Variants in LRP1 observed in about 807,000 individuals in gnomAD.
The protein encoded by LRP1 is prolow-density lipoprotein receptor-related protein 1.
LRP1 carries 51 observed loss-of-function variants against 541.5 expected under a neutral mutation model. That is an observed-to-expected ratio of 0.09 (90% CI 0.08 to 0.12). The LOEUF (loss-of-function observed/expected upper bound fraction) is 0.12. LRP1 is among the 10% of genes least tolerant of loss of function. LRP1 has a pLI of 1.00. For missense variants in LRP1, 3,878 were observed against 6,376.2 expected, an observed-to-expected ratio of 0.61 and a Z score of 13.34; for synonymous variants, 2,219 against 2,470.8, an observed-to-expected ratio of 0.90 and a Z score of 3.02.
chr12:57,161,873 T>G (rs1457443321), intron 13 of LRP1, among the ~76,000 whole-genome samples: 2 of 152,174 alleles, frequency 1.3e-5, no homozygotes, highest in African/African-American at 4.8e-5. Context: ...AGAGATCGTG[T>G]CGTTTTCACC....
In LRP1 at chr12:57,201,050, G is replaced by A. The variant is rs373000834; in HGVS notation, c.10242G>A (p.Leu3414=). ...CCTCCACAGACATCCACGTCTGCTTGCCCAGTCAGTTCAAATGCACCAACA... is the reference window on the plus strand; with the variant it reads ...CCTCCACAGACATCCACGTCTGCTTACCCAGTCAGTTCAAATGCACCAACA... The part of the protein sequence containing the change: ...DEANCDIHVC[L]PSQFKCTNTN... Residue 3414 remains leucine, a synonymous_variant, in exon 65 of 89, where the codon TTG becomes TTA. Transcript: ENST00000243077. This position sits in a 1 kb window ranked among gnomAD's most constrained non-coding sequence, Gnocchi z 6.4. 6.2e-7 allele frequency: 1 copy of A among 1,613,930 alleles called. No homozygotes were observed. The highest frequency in any genetic ancestry group is 1.3e-5 in the African/African-American group (1 of 74,874).
intron 13 of LRP1, 123 bp downstream of exon 13, chr12:57,161,238 G>C: frequency 1.2e-6 from 1 of 824,100 alleles, no homozygotes; most frequent in South Asian, 1.6e-5. Flanking sequence ...TGCCTCTATA[G>C]ATGTGTGCAT....
At position 57,205,156 on chromosome 12, in the gene LRP1, C is replaced by T. The variant is rs780901988; in HGVS notation, c.11242C>T (p.Leu3748=). Residue 3748 remains leucine (L), a synonymous_variant, in exon 73 of 89, where the codon CTG becomes TTG. Transcript: ENST00000243077. The surrounding 1 kb of genome is among the most constrained non-coding windows in gnomAD (Gnocchi z 4.6). ...TTHCKDKKEF[L]CRNQRCLSSS... ...CCACTGCAAAGACAAGAAGGAGTTT[C>T]TGTGCCGGAACCAGCGCTGCCTCTC... 6.2e-6 allele frequency: 10 copies of T among 1,614,004 alleles called. No individual in the cohort carries two copies. Among genetic ancestry groups the T allele is most frequent in the Non-Finnish European group, 8.5e-6 (10 of 1,180,008 alleles).
At chr12:57,161,410 T>C (rs1260442578) in intron 13 of LRP1, among the ~76,000 whole-genome samples, 3 of 152,196 alleles carry the variant, frequency 2.0e-5, no homozygotes, top group African/African-American at 7.2e-5. Flanking sequence ...ACACACCATG[T>C]GCGCCTCCTC....
intron 19 of LRP1, among the ~76,000 whole-genome samples, chr12:57,168,765 C>G (rs754306354): frequency 6.6e-6 from 1 of 152,206 alleles, no homozygotes; most frequent in Admixed American, 6.5e-5. Flanking sequence ...AAGCCGGCCA[C>G]GCCTGCACCC....
At position 57,135,520 on chromosome 12, in the gene LRP1, C is replaced by A. The variant is rs960908981; in HGVS notation, c.68-2939C>A. On this transcript the variant is annotated intron_variant, in intron 1 of 88. Transcript: ENST00000243077. The stretch of plus-strand genomic sequence containing the variant: ...TATTTGTTTCTTTCTTCCCTCTCCC[C>A]CTGAAGGAAATCAAAGACAGGCCTC... Among the ~76,000 whole-genome samples, 145 of 152,344 alleles carry A rather than the reference C, an allele frequency of 9.5e-4. 1 individual carries two copies. The highest frequency in any genetic ancestry group is 1.5e-3 in the Non-Finnish European group (99 of 68,038).
Position 57,179,978 on chromosome 12 carries a change from G to A in LRP1, c.5141+22G>A, listed in dbSNP as rs752459699. The A allele has an allele frequency of 1.7e-5, 28 of 1,613,708 alleles. No homozygotes were observed. The highest frequency in any genetic ancestry group is 8.9e-5 in the East Asian group (4 of 44,896). ...GTGGGTCAGTCTAGGGCCCAGGGCCGGGGAGCATGGGGTGTGGGGCTGGGA... is the reference window on the plus strand; with the variant it reads ...GTGGGTCAGTCTAGGGCCCAGGGCCAGGGAGCATGGGGTGTGGGGCTGGGA... On this transcript the variant is annotated intron_variant, in intron 30 of 88. Coordinates refer to ENST00000243077, the MANE Select transcript of LRP1 (RefSeq NM_002332.3). The surrounding 1 kb of genome is among the most constrained non-coding windows in gnomAD (Gnocchi z 6.8).
At position 57,208,778 on chromosome 12, in the gene LRP1, C is replaced by T. The variant is rs765243290; in HGVS notation, c.12106C>T (p.Arg4036Trp). The change falls in exon 78 of 89, where the codon CGG becomes TGG. Residue 4036 changes from arginine to tryptophan, a missense_variant. Arg to Trp is a moderately radical substitution (Grantham distance 101). Around this residue, in one of 13 missense-constraint regions of LRP1, gnomAD observed 871 missense variants for 1,212.4 expected, o/e 0.72. Transcript: ENST00000243077. ...GACGGCAGCGATGGATGGGACGCTT[C>T]GGGAGACACTGGTGCAGGACAACAT... ...IETAAMDGTLRETLVQDNIQW... is the reference protein window; with the variant it reads ...IETAAMDGTLWETLVQDNIQW... 6.2e-7 allele frequency: 1 copy of T among 1,614,038 alleles called. No individual in the cohort carries two copies. Among genetic ancestry groups the T allele is most frequent in the Non-Finnish European group, 8.5e-7 (1 of 1,179,990 alleles).
chr12:57,175,613 G>C lies in LRP1; in HGVS notation c.3701G>C (p.Ser1234Thr). 2 of 1,613,212 alleles carry C rather than the reference G, an allele frequency of 1.2e-6. No individual in the cohort carries two copies. The highest frequency in any genetic ancestry group is 1.7e-6 in the Non-Finnish European group (2 of 1,179,352). The change falls in exon 23 of 89, where the codon AGC (serine) becomes ACC (threonine). Residue 1234 changes from serine to threonine, a missense_variant. Around this residue, in one of 13 missense-constraint regions of LRP1, gnomAD observed 320 missense variants for 547.9 expected, o/e 0.58. Coordinates refer to ENST00000243077, the MANE Select transcript of LRP1 (RefSeq NM_002332.3). ...TACTGTGCCAAGCATCTCAAATGCA[G>C]CCAAAAGTGCGACCAGAACAAGTTC... ...QSYCAKHLKC[S>T]QKCDQNKFSV... is the part of the protein sequence containing the mutation.
chr12:57,193,179 T>C lies in LRP1; in HGVS notation c.7559T>C (p.Val2520Ala). ...CTCCCTCCACCTCCCTCCCCAGCGG[T>C]GAATTCCTCTTGCCGAGCACAAGAT... is the stretch of plus-strand genomic sequence containing the variant. ...ILQDDLTCRA[V>A]NSSCRAQDEF... Residue 2520 changes from valine (V) to alanine (A), a missense_variant, in exon 46 of 89, where the codon GTG (valine) becomes GCG (alanine). By Grantham distance (64) the Val-to-Ala change is moderately conservative. Transcript: ENST00000243077. The C allele has an allele frequency of 6.2e-7, 1 of 1,613,890 alleles. No individual in the cohort carries two copies. Among genetic ancestry groups the C allele is most frequent in the Non-Finnish European group, 8.5e-7 (1 of 1,179,870 alleles).
intron 24 of LRP1, among the ~76,000 whole-genome samples, 161 bp from the exon 25 acceptor site, chr12:57,176,880 T>C (rs1282311643): frequency 2.0e-5 from 3 of 147,598 alleles, no homozygotes; most frequent in South Asian, 2.1e-4. Flanking sequence ...AAAAAAAAAG[T>C]TGGGGAGACA....
intron 6 of LRP1, among the ~76,000 whole-genome samples, chr12:57,150,970 G>A (rs2035514361): frequency 6.6e-6 from 1 of 151,892 alleles, no homozygotes; most frequent in African/African-American, 2.4e-5. Context: ...CTGGGGATGT[G>A]GATAGAGGTC....
In LRP1 at chr12:57,154,676, G is replaced by A. The variant is rs867247802; in HGVS notation, c.1202G>A (p.Arg401His). ...IEVVDYEGKG[R>H]QTIIQGILIE... is the part of the protein sequence containing the mutation. ...GTGGTGGACTATGAGGGCAAGGGCC[G>A]CCAGACCATCATCCAGGGCATCCTG... The change falls in exon 8 of 89, where the codon CGC (arginine) becomes CAC (histidine). Residue 401 changes from arginine (R) to histidine (H), a missense_variant. Arg to His is a conservative substitution (Grantham distance 29, BLOSUM62 0). This residue lies in a region of LRP1 where 496 missense variants were observed against 861.0 expected (regional missense o/e 0.58). Coordinates refer to ENST00000243077, the MANE Select transcript of LRP1 (RefSeq NM_002332.3). This position sits in a 1 kb window ranked among gnomAD's most constrained non-coding sequence, Gnocchi z 4.6. 3.2e-6 allele frequency: 5 copies of A among 1,568,090 alleles called. No homozygotes were observed. In the Admixed American group the frequency reaches 5.7e-5, roughly 18 times the overall value.
In LRP1 at chr12:57,184,220, G is replaced by T; in HGVS notation, c.6059+6G>T. On this transcript the variant is annotated splice_donor_region_variant and intron_variant, in intron 37 of 88. Coordinates refer to ENST00000243077, the MANE Select transcript of LRP1 (RefSeq NM_002332.3). The surrounding 1 kb of genome is among the most constrained non-coding windows in gnomAD (Gnocchi z 7.8). ...ACCGTCCACCCGGAGAAAGGGTGAGGAGCTGGAAAGACTGGCCTTGTCATT... is the reference window on the plus strand; with the variant it reads ...ACCGTCCACCCGGAGAAAGGGTGAGTAGCTGGAAAGACTGGCCTTGTCATT... 6.2e-7 allele frequency: 1 copy of T among 1,613,638 alleles called. No individual in the cohort carries two copies. Among genetic ancestry groups the T allele is most frequent in the South Asian group, 1.1e-5 (1 of 91,048 alleles).
chr12:57,137,041 A>G (rs1162337114), intron 1 of LRP1, among the ~76,000 whole-genome samples: 1 of 152,118 alleles, frequency 6.6e-6, no homozygotes, highest in African/African-American at 2.4e-5. Context: ...TGGGAGTTCG[A>G]GACCAGCCTG....
Position 57,195,654 on chromosome 12 carries a change from A to C in LRP1, c.8438-4A>C. 1 of 1,614,068 alleles carries C rather than the reference A, an allele frequency of 6.2e-7. No individual in the cohort carries two copies. Among genetic ancestry groups the C allele is most frequent in the Non-Finnish European group, 8.5e-7 (1 of 1,180,008 alleles). ...TGAAGGGCTGTGTCCACCTCTGTCC[A>C]CAGTGTACAACAGCACTTGTGACGA... On this transcript the variant is annotated splice_polypyrimidine_tract_variant and splice_region_variant and intron_variant, in intron 52 of 88. Coordinates refer to ENST00000243077, the MANE Select transcript of LRP1 (RefSeq NM_002332.3).
chr12:57,178,912 T>C lies in LRP1; in HGVS notation c.4629T>C (p.Asn1543=). The C allele has an allele frequency of 6.2e-7, 1 of 1,613,540 alleles. No individual in the cohort carries two copies. The highest frequency in any genetic ancestry group is 1.1e-5 in the South Asian group (1 of 91,046). The part of the protein sequence containing the change: ...QPMAPNPCEA[N]GGQGPCSHLC... The stretch of plus-strand genomic sequence containing the variant: ...CAGCTCCCAATCCCTGTGAGGCCAA[T>C]GGGGGCCAGGGCCCCTGCTCCCACC... The change falls in exon 28 of 89, where the codon AAT becomes AAC. Residue 1543 remains asparagine (N), a synonymous_variant. Transcript: ENST00000243077. The surrounding 1 kb of genome is among the most constrained non-coding windows in gnomAD (Gnocchi z 5.8).
Position 57,211,010 on chromosome 12 carries a change from G to A in LRP1, c.12916+131G>A. The A allele has an allele frequency of 7.0e-7, 1 of 1,419,910 alleles. No individual in the cohort carries two copies. The allele number at this position is 1,419,910 out of a possible 1,614,324, so 88.0% of individuals were successfully genotyped here. ...AGGAAAGAAGGCCTTATGCAGCTGAGCCAGGCCCAAGCTGCTGGCGCTTCC... is the reference window on the plus strand; with the variant it reads ...AGGAAAGAAGGCCTTATGCAGCTGAACCAGGCCCAAGCTGCTGGCGCTTCC... On this transcript the variant is annotated intron_variant, in intron 83 of 88. Transcript: ENST00000243077. The surrounding 1 kb of genome is among the most constrained non-coding windows in gnomAD (Gnocchi z 4.3).
At position 57,183,376 on chromosome 12, in the gene LRP1, C is replaced by T; in HGVS notation, c.5663-3C>T. On this transcript the variant is annotated splice_region_variant and splice_polypyrimidine_tract_variant and intron_variant, in intron 34 of 88. Transcript: ENST00000243077. This position sits in a 1 kb window ranked among gnomAD's most constrained non-coding sequence, Gnocchi z 6.1. ...CCATGCCTTAAGTTTCCTTGTCTTT[C>T]AGGCGTAGGTTCCTTTCTCCTGTAC... 6.3e-7 allele frequency: 1 copy of T among 1,595,318 alleles called. No individual in the cohort carries two copies.
Sources: gnomAD v4.1 joint callset for allele counts (sites outside exome capture counted in the v4.1 genomes callset) on GRCh38, gnomAD v4.1.1 for gene constraint, gnomAD v4.1.1 regional missense constraint, Gnocchi (gnomAD v3.1) non-coding constraint, MANE v1.5 for transcripts, NCBI Gene and HGNC (gene_info 2026-07-23, HGNC 2026-07-21) for gene names.